The following ZFP28 variants were observed in gnomAD, a reference collection of about 807,000 sequenced individuals.
ZFP28 encodes the protein ZFP28 zinc finger protein, also known as zinc finger protein 28 homolog.
In ZFP28, 31 loss-of-function variants were observed where a neutral mutation model predicts 39.5. The observed-to-expected ratio is 0.79, with a 90% confidence interval of 0.59 to 1.06. The LOEUF (loss-of-function observed/expected upper bound fraction) is 1.06. ZFP28 is among the 50% of genes least tolerant of loss of function. ZFP28 has a pLI of 0.00. For missense variants in ZFP28, 925 were observed against 1,048.4 expected, an observed-to-expected ratio of 0.88 and a Z score of 1.63; for synonymous variants, 400 against 378.6, an observed-to-expected ratio of 1.06 and a Z score of -0.66.
intron 2 of ZFP28, among the ~76,000 whole-genome samples, chr19:56,543,351 T>C (rs1430167557): frequency 6.9e-6 from 1 of 145,796 alleles, no homozygotes. Flanking sequence ...TATATATGTA[T>C]ATTTTATATA....
Position 56,547,968 on chromosome 19 carries a change from C to A in ZFP28, c.523+66C>A. On this transcript the variant is annotated intron_variant, in intron 4 of 7. Transcript: ENST00000301318. This position sits in a 1 kb window ranked among gnomAD's most constrained non-coding sequence, Gnocchi z 4.6. ...TCATAGTTCAGCTGACTCAGACACGCAACATCTTCAGCAGACTCTTCCTAA... is the reference window on the plus strand; with the variant it reads ...TCATAGTTCAGCTGACTCAGACACGAAACATCTTCAGCAGACTCTTCCTAA... 1 of 1,473,658 alleles carries A rather than the reference C, an allele frequency of 6.8e-7. No homozygotes were observed. Among genetic ancestry groups the A allele is most frequent in the Non-Finnish European group, 9.4e-7 (1 of 1,060,434 alleles). 91.3% of individuals were successfully genotyped at this position (1,473,658 alleles called of 1,614,324 possible).
chr19:56,549,811 C>G (rs1310656327), intron 5 of ZFP28, among the ~76,000 whole-genome samples: 1 of 152,166 alleles, frequency 6.6e-6, no homozygotes, highest in Admixed American at 6.5e-5. Flanking sequence ...AAGGTTCATA[C>G]TGTGTGTAAG....
At chr19:56,551,137 G>C (rs946409931) in intron 7 of ZFP28, 3 of 1,010,454 alleles carry the variant, frequency 3.0e-6, no homozygotes, top group Non-Finnish European at 3.6e-6. Context: ...ATTTCAAATA[G>C]GGCATTATAG....
intron 6 of ZFP28, 158 bp from the exon 7 acceptor site, chr19:56,550,352 G>T (rs568347011): frequency 2.2e-6 from 2 of 894,740 alleles, no homozygotes; most frequent in East Asian, 2.6e-5. Flanking sequence ...TGGTGTCTTT[G>T]TTAGGCTTGA....
chr19:56,537,486 C>A (rs966344402), upstream of ZFP28, among the ~76,000 whole-genome samples: 3 of 152,188 alleles, frequency 2.0e-5, no homozygotes, highest in East Asian at 5.8e-4. Flanking sequence ...ATAAGCTGGG[C>A]AGATGGCCAC....
At position 56,539,100 on chromosome 19, in the gene ZFP28, G is replaced by T; in HGVS notation, c.82G>T (p.Gly28Cys). 5 of 1,549,980 alleles carry T rather than the reference G, an allele frequency of 3.2e-6. No individual in the cohort carries two copies. The highest frequency in any genetic ancestry group is 1.2e-5 in the South Asian group (1 of 84,818). The stretch of plus-strand genomic sequence containing the variant: ...CGCCCCCCGCACAAAGCCCCGGGCG[G>T]GCCGAGGCCCGACTGTAGGGACTCC... ...RGAPRTKPRA[G>C]RGPTVGTPAT... Residue 28 changes from glycine (G) to cysteine (C), a missense_variant, in exon 1 of 8, where the codon GGC becomes TGC. By Grantham distance (159) the Gly-to-Cys change is radical. This residue lies in a region of ZFP28 where 556 missense variants were observed against 542.9 expected (regional missense o/e 1.02). Transcript: ENST00000301318.
chr19:56,544,914 G>A (rs1174668527), intron 2 of ZFP28, among the ~76,000 whole-genome samples: 8 of 152,286 alleles, frequency 5.3e-5, no homozygotes, highest in African/African-American at 7.2e-5. Context: ...GTCCCTCTAC[G>A]TGATTACATT....
At chr19:56,553,226 GTT>G (rs5828687) in intron 7 of ZFP28, 13 of 147,290 alleles carry the variant, frequency 8.8e-5, no homozygotes, top group South Asian at 4.3e-4. Flanking sequence ...GAAAATAATT[GTT>G]TTTTTTTTTT....
At chr19:56,552,177 A>G (rs2044309544) in intron 7 of ZFP28, 1 of 209,366 alleles carries the variant, frequency 4.8e-6, no homozygotes, top group African/African-American at 2.4e-5. Flanking sequence ...CCTATAATCA[A>G]CAGTGGTCCA....
chr19:56,549,673 T>C (rs982580025), intron 5 of ZFP28, among the ~76,000 whole-genome samples: 1 of 151,206 alleles, frequency 6.6e-6, no homozygotes, highest in Non-Finnish European at 1.5e-5. Flanking sequence ...CAAGACTCCG[T>C]CTCAAAAAAA....
Position 56,554,392 on chromosome 19 carries a change from A to G in ZFP28, c.1607A>G (p.Asp536Gly), listed in dbSNP as rs1441445925. 2 of 1,614,168 alleles carry G rather than the reference A, an allele frequency of 1.2e-6. No individual in the cohort carries two copies. Among genetic ancestry groups the G allele is most frequent in the Non-Finnish European group, 8.5e-7 (1 of 1,180,040 alleles). The stretch of plus-strand genomic sequence containing the variant: ...ACTGGAGAGAAACCTTACAAATGTG[A>G]TGTATGTCACAAATCCTTCAGGTAT... ...IHTGEKPYKC[D>G]VCHKSFRYGS... Residue 536 changes from aspartate to glycine, a missense_variant, in exon 8 of 8, where the codon GAT becomes GGT. Physicochemically the swap from Asp to Gly is moderately conservative, Grantham distance 94. Around this residue, in one of 2 missense-constraint regions of ZFP28, gnomAD observed 369 missense variants for 505.5 expected, o/e 0.73. Coordinates refer to ENST00000301318, the MANE Select transcript of ZFP28 (RefSeq NM_020828.2). This position sits in a 1 kb window ranked among gnomAD's most constrained non-coding sequence, Gnocchi z 6.7.
At chr19:56,537,026 G>C (rs1028042551), upstream of ZFP28, among the ~76,000 whole-genome samples, 6 of 83,188 alleles carry the variant, frequency 7.2e-5, no homozygotes, top group Middle Eastern at 5.8e-3. Flanking sequence ...AGGGAGAAGG[G>C]GGGTGGTTGT....
At chr19:56,539,435 G>A (rs987208702) in intron 1 of ZFP28, among the ~76,000 whole-genome samples, 190 bp from the exon 2 acceptor site, 10 of 152,264 alleles carry the variant, frequency 6.6e-5, no homozygotes, top group African/African-American at 2.2e-4. Flanking sequence ...CTTTCCCAGG[G>A]TGACTCTAAC....
Position 56,556,548 on chromosome 19 carries a change from A to T in ZFP28, c.*1156A>T, listed in dbSNP as rs1400335715. 1.3e-5 allele frequency: 2 copies of T among 152,250 alleles called. No individual in the cohort carries two copies. Among genetic ancestry groups the T allele is most frequent in the African/African-American group, 2.4e-5 (1 of 41,472 alleles). 9.4% of individuals were successfully genotyped at this position (152,250 alleles called of 1,614,324 possible). ...TAGCTATTGACTATGGCTGCTTTAGACAACTGTGACAGACTATATGGCTCG... is the reference window on the plus strand; with the variant it reads ...TAGCTATTGACTATGGCTGCTTTAGTCAACTGTGACAGACTATATGGCTCG... On this transcript the variant is annotated 3_prime_UTR_variant, in exon 8 of 8. Coordinates refer to ENST00000301318, the MANE Select transcript of ZFP28 (RefSeq NM_020828.2).
intron 5 of ZFP28, 61 bp from the exon 6 acceptor site, chr19:56,550,006 C>T: frequency 1.4e-6 from 2 of 1,415,676 alleles, no homozygotes; most frequent in Non-Finnish European, 2.0e-6. Context: ...GTCCATCCCA[C>T]TGAGACCAGG....
intron 2 of ZFP28, chr19:56,546,149 A>G (rs1001174732): frequency 6.6e-5 from 10 of 152,218 alleles, no homozygotes; most frequent in Admixed American, 2.0e-4. Flanking sequence ...GAACTGAGGC[A>G]CAGAGGCGTT....
intron 2 of ZFP28, among the ~76,000 whole-genome samples, chr19:56,542,929 C>T (rs2044208661): frequency 1.3e-5 from 2 of 152,040 alleles, no homozygotes; most frequent in South Asian, 4.1e-4. Context: ...CCATGCCCAG[C>T]CCCTGATTAT....
At position 56,554,177 on chromosome 19, in the gene ZFP28, C is replaced by A; in HGVS notation, c.1392C>A (p.Ala464=). Residue 464 remains alanine, a synonymous_variant, in exon 8 of 8, where the codon GCC becomes GCA. Transcript: ENST00000301318. This position sits in a 1 kb window ranked among gnomAD's most constrained non-coding sequence, Gnocchi z 6.7. ...GKAFSDGSSF[A]RHQRCHTGKK... ...CCTTTAGTGACGGCTCATCCTTTGC[C>A]CGACACCAGAGATGTCACACTGGCA... The A allele has an allele frequency of 1.2e-6, 2 of 1,613,816 alleles. No individual in the cohort carries two copies. Among genetic ancestry groups the A allele is most frequent in the Non-Finnish European group, 1.7e-6 (2 of 1,179,944 alleles).
Position 56,550,053 on chromosome 19 carries a change from TTTTACC to T in ZFP28, c.688-13_688-8del. 2 of 1,600,008 alleles carry T rather than the reference TTTTACC, an allele frequency of 1.2e-6. No homozygotes were observed. The highest frequency in any genetic ancestry group is 1.7e-6 in the Non-Finnish European group (2 of 1,172,490). The stretch of plus-strand genomic sequence containing the variant: ...ACATGGTTTGATTTAAAAAACGTGC[TTTTACC>T]ATTGCAGGGCTTGGTGACTATCAAA... On this transcript the variant is annotated splice_region_variant and splice_polypyrimidine_tract_variant and intron_variant, in intron 5 of 7. Coordinates refer to ENST00000301318, the MANE Select transcript of ZFP28 (RefSeq NM_020828.2).
Sources: allele counts gnomAD v4.1 joint callset (sites outside exome capture counted in the v4.1 genomes callset), GRCh38; gene constraint gnomAD v4.1.1; regional missense constraint gnomAD v4.1.1; non-coding constraint Gnocchi (gnomAD v3.1); transcripts MANE v1.5; gene names NCBI Gene and HGNC (gene_info 2026-07-23, HGNC 2026-07-21).